PRKCI: variants seen among roughly 807,000 people sequenced by gnomAD.
PRKCI encodes the protein protein kinase C iota type.
Under a neutral mutation model 84.0 loss-of-function variants are expected in PRKCI, and 43 were observed. That is an observed-to-expected ratio of 0.51 (90% CI 0.40 to 0.66). PRKCI has a LOEUF of 0.66. Among genes scored for constraint, PRKCI ranks in the 30% least tolerant of loss-of-function variants. PRKCI has a pLI of 0.00. For missense variants in PRKCI, 459 were observed against 745.6 expected, an observed-to-expected ratio of 0.62 and a Z score of 4.48; for synonymous variants, 216 against 234.4, an observed-to-expected ratio of 0.92 and a Z score of 0.72.
intron 7 of PRKCI, among the ~76,000 whole-genome samples, chr3:170,274,109 G>A (rs1734059189): frequency 6.6e-6 from 1 of 151,988 alleles, no homozygotes; most frequent in Admixed American, 6.6e-5. Context: ...TGTGGCCCAT[G>A]TTGACTGTGT....
intron 2 of PRKCI, among the ~76,000 whole-genome samples, chr3:170,243,847 C>T (rs951416844): frequency 3.3e-5 from 5 of 152,194 alleles, no homozygotes; most frequent in Non-Finnish European, 5.9e-5. Context: ...GTTCTTCAGA[C>T]GGACCTTATG....
At chr3:170,281,036 C>T (rs777447862) in intron 9 of PRKCI, 130 bp from the exon 10 acceptor site, 16 of 636,994 alleles carry the variant, frequency 2.5e-5, no homozygotes, top group Non-Finnish European at 3.6e-5. Context: ...ATTTTCGTTT[C>T]ATGATTATCA....
chr3:170,248,150 T>C lies in PRKCI; in HGVS notation c.224-11819T>C, dbSNP rs114213776. ...CCAACTTTGGTATTAGGCTGTGTTC[T>C]TTGAAATGTGGGGCACTGAATTTAG... On this transcript the variant is annotated intron_variant, in intron 2 of 17. Transcript: ENST00000295797. Among the ~76,000 whole-genome samples the C allele has an allele frequency of 3.8e-3, 580 of 152,288 alleles. 3 individuals are homozygous for C. Among genetic ancestry groups the C allele is most frequent in the Non-Finnish European group, 6.5e-3 (440 of 68,006 alleles).
chr3:170,265,241 C>T (rs2108851094), intron 4 of PRKCI, among the ~76,000 whole-genome samples: 1 of 152,054 alleles, frequency 6.6e-6, no homozygotes, highest in East Asian at 1.9e-4. Flanking sequence ...TTCATAAACT[C>T]TTGGACTGGG....
intron 5 of PRKCI, among the ~76,000 whole-genome samples, chr3:170,269,894 G>A (rs1474444379): frequency 6.6e-6 from 1 of 151,908 alleles, no homozygotes; most frequent in African/African-American, 2.4e-5. Flanking sequence ...GGAGGCGGAG[G>A]TTGCGGTAAG....
chr3:170,235,400 T>C (rs1732944050), intron 2 of PRKCI, 49 bp downstream of exon 2: 1 of 1,590,836 alleles, frequency 6.3e-7, no homozygotes, highest in South Asian at 1.1e-5. Context: ...AAGATCTTAT[T>C]CTATCATTTG....
chr3:170,291,226 GCTT>G (rs1419761555), intron 12 of PRKCI, among the ~76,000 whole-genome samples: 1 of 151,994 alleles, frequency 6.6e-6, no homozygotes, highest in Non-Finnish European at 1.5e-5. Context: ...GATTTAAAGT[GCTT>G]CTTTTCTTCA....
intron 4 of PRKCI, among the ~76,000 whole-genome samples, chr3:170,267,411 C>T (rs908214698): frequency 2.6e-5 from 4 of 151,884 alleles, no homozygotes; most frequent in Middle Eastern, 3.4e-3. Flanking sequence ...CGTTGGCTCA[C>T]GCCTGTAATC....
chr3:170,262,504 G>T (rs1446100228), intron 3 of PRKCI, among the ~76,000 whole-genome samples: 3 of 152,020 alleles, frequency 2.0e-5, no homozygotes, highest in Non-Finnish European at 4.4e-5. Context: ...TTTCTGAGAT[G>T]GTGTCTCATT....
intron 2 of PRKCI, among the ~76,000 whole-genome samples, chr3:170,237,484 G>T (rs933259905): frequency 1.1e-4 from 16 of 152,168 alleles, no homozygotes; most frequent in African/African-American, 3.9e-4. Context: ...ACCACTAAAA[G>T]AACTTACTCA....
intron 1 of PRKCI, among the ~76,000 whole-genome samples, chr3:170,230,367 G>T (rs1732753349): frequency 6.6e-6 from 1 of 152,164 alleles, no homozygotes; most frequent in Admixed American, 6.5e-5. Flanking sequence ...GTCTTGCTCA[G>T]TCGCCCAGGC....
chr3:170,276,454 C>CTTTTTTTTTT (rs144477921), intron 8 of PRKCI, among the ~76,000 whole-genome samples: 1 of 149,232 alleles, frequency 6.7e-6, no homozygotes, highest in African/African-American at 2.5e-5. Flanking sequence ...TTCTTTTTAA[C>CTTTTTTTTTT]TTTTTTTTTT....
intron 2 of PRKCI, among the ~76,000 whole-genome samples, chr3:170,247,773 C>CTTCATT (rs1560170564): frequency 1.2e-4 from 17 of 142,792 alleles, no homozygotes; most frequent in African/African-American, 4.2e-4. Flanking sequence ...TGAGGATGAG[C>CTTCATT]GGCTTCATGG....
At chr3:170,280,006 C>T in intron 8 of PRKCI, 1 of 367,896 alleles carries the variant, frequency 2.7e-6, no homozygotes, top group Non-Finnish European at 4.8e-6. Context: ...CAACTCCCTC[C>T]CCATTCTTAT....
At chr3:170,249,518 G>T (rs1206536040) in intron 2 of PRKCI, among the ~76,000 whole-genome samples, 1 of 152,180 alleles carries the variant, frequency 6.6e-6, no homozygotes, top group African/African-American at 2.4e-5. Flanking sequence ...GCTGGGCGTG[G>T]TGGCTCACGC....
intron 12 of PRKCI, among the ~76,000 whole-genome samples, chr3:170,291,320 G>T (rs781339801): frequency 6.6e-6 from 1 of 151,980 alleles, no homozygotes. Flanking sequence ...AATTCAAGTC[G>T]TACCTTAATT....
Position 170,275,304 on chromosome 3 carries a change from T to C in PRKCI, c.705+17T>C. ...GAAAAAGAGGTAAGATAATTTGTCT[T>C]ATTGTACATTATATCATTAGCTTTT... On this transcript the variant is annotated intron_variant, in intron 8 of 17. Coordinates refer to ENST00000295797, the MANE Select transcript of PRKCI (RefSeq NM_002740.6). 1 of 1,590,880 alleles carries C rather than the reference T, an allele frequency of 6.3e-7. No homozygotes were observed. The highest frequency in any genetic ancestry group is 8.5e-7 in the Non-Finnish European group (1 of 1,170,910).
chr3:170,277,929 C>G (rs936263748), intron 8 of PRKCI, among the ~76,000 whole-genome samples: 4 of 152,156 alleles, frequency 2.6e-5, no homozygotes, highest in Non-Finnish European at 5.9e-5. Context: ...GTCTGTTCCT[C>G]CATCTGAGAT....
At chr3:170,236,876 AAAAAG>A (rs1201239026) in intron 2 of PRKCI, among the ~76,000 whole-genome samples, 3 of 151,776 alleles carry the variant, frequency 2.0e-5, no homozygotes, top group South Asian at 2.1e-4. Context: ...AAAAAAAAAA[AAAAAG>A]AAAGAAAAAG....
Sources: allele counts gnomAD v4.1 joint callset (sites outside exome capture counted in the v4.1 genomes callset), GRCh38; gene constraint gnomAD v4.1.1; transcripts MANE v1.5; gene names NCBI Gene and HGNC (gene_info 2026-07-23, HGNC 2026-07-21).